The following GREM2 variants were observed in gnomAD, a reference collection of about 807,000 sequenced individuals.
The protein encoded by GREM2 is gremlin 2, DAN family BMP antagonist.
GREM2 carries 11 observed loss-of-function variants against 14.2 expected under a neutral mutation model. That is an observed-to-expected ratio of 0.78 (90% confidence interval 0.49 to 1.28). The LOEUF (loss-of-function observed/expected upper bound fraction) is 1.28, where lower values mean the gene tolerates loss of function less well. GREM2 is among the 50% of genes most tolerant of loss of function. The pLI is 0.00. For synonymous variants in GREM2, 98 were observed against 97.6 expected, an observed-to-expected ratio of 1.00 and a Z score of -0.02; for missense variants, 210 against 218.5, an observed-to-expected ratio of 0.96 and a Z score of 0.24.
chr1:240,575,269 A>G (rs1345141531), intron 1 of GREM2, among the ~76,000 whole-genome samples: 1 of 152,000 alleles, frequency 6.6e-6, no homozygotes, highest in Non-Finnish European at 1.5e-5. Context: ...TCTCAGGGTA[A>G]ATGTTGGTTC....
At chr1:240,534,876 C>T (rs1678443327) in intron 1 of GREM2, among the ~76,000 whole-genome samples, 1 of 151,992 alleles carries the variant, frequency 6.6e-6, no homozygotes. Context: ...GAAGCTAGAA[C>T]CTTTGGGTTT....
intron 1 of GREM2, among the ~76,000 whole-genome samples, chr1:240,598,086 A>G (rs980437774): frequency 5.9e-5 from 9 of 152,200 alleles, no homozygotes; most frequent in Admixed American, 3.9e-4. Context: ...CCGAACCTCA[A>G]TTGGCCAACG....
chr1:240,562,315 C>G (rs957780997), intron 1 of GREM2, among the ~76,000 whole-genome samples: 3 of 152,148 alleles, frequency 2.0e-5, no homozygotes, highest in African/African-American at 7.2e-5. Context: ...AATCTACAGT[C>G]GTGGCACTGG....
intron 1 of GREM2, among the ~76,000 whole-genome samples, chr1:240,565,690 C>CA (rs765667614): frequency 6.6e-6 from 1 of 151,598 alleles, no homozygotes; most frequent in Non-Finnish European, 1.5e-5. Context: ...CCAAAAAATA[C>CA]AAAAAATTAG....
At chr1:240,499,809 C>T (rs1227999473) in intron 1 of GREM2, among the ~76,000 whole-genome samples, 1 of 148,776 alleles carries the variant, frequency 6.7e-6, no homozygotes, top group Non-Finnish European at 1.5e-5. Flanking sequence ...AACACAGCCA[C>T]AGCCACTCAT....
chr1:240,504,994 G>T (rs1231652970), intron 1 of GREM2, among the ~76,000 whole-genome samples: 2 of 152,142 alleles, frequency 1.3e-5, no homozygotes, highest in Non-Finnish European at 2.9e-5. Flanking sequence ...TGGAGGTGGG[G>T]CCTGGTGGAA....
intron 1 of GREM2, among the ~76,000 whole-genome samples, chr1:240,562,449 G>A (rs1386968875): frequency 1.3e-5 from 2 of 152,130 alleles, no homozygotes; most frequent in Admixed American, 1.3e-4. Flanking sequence ...TGCTCTCAGC[G>A]GTTACGATTC....
intron 1 of GREM2, among the ~76,000 whole-genome samples, chr1:240,497,376 G>C (rs928723951): frequency 5.3e-5 from 8 of 152,188 alleles, no homozygotes; most frequent in African/African-American, 1.9e-4. Flanking sequence ...TGTTGGGGTG[G>C]GGTTTCAGAT....
chr1:240,489,626 A>G lies in GREM2; in HGVS notation c.*3343T>C, dbSNP rs1677202881. The G allele has an allele frequency of 6.6e-6, 1 of 152,242 alleles. No homozygotes were observed. 9.4% of individuals were successfully genotyped at this position (152,242 alleles called of 1,614,324 possible). A position where few individuals can be genotyped will look rare whatever the true frequency, so the allele number is the denominator to read the frequency against. On this transcript the variant is annotated 3_prime_UTR_variant, in exon 2 of 2. Coordinates refer to ENST00000318160, the MANE Select transcript of GREM2 (RefSeq NM_022469.4). ...TTCTTTATTCCTTTACTTTCTTAAT[A>G]AACTTGCTTTCACTTAAAAAATTTT...
intron 1 of GREM2, among the ~76,000 whole-genome samples, chr1:240,548,447 C>A (rs1678780768): frequency 1.3e-5 from 2 of 152,088 alleles, no homozygotes; most frequent in Non-Finnish European, 2.9e-5. Context: ...GCACATAGTC[C>A]TCTTATCATA....
Position 240,503,553 on chromosome 1 carries a change from C to T in GREM2, c.-1-10077G>A, listed in dbSNP as rs567880046. ...AAAGTCTTTGGCACAATGCATAGGCCTTCTGCAATCTTTGTCTTCTTCCTG... is the reference window on the plus strand; with the variant it reads ...AAAGTCTTTGGCACAATGCATAGGCTTTCTGCAATCTTTGTCTTCTTCCTG... On this transcript the variant is annotated intron_variant, in intron 1 of 1. Coordinates refer to ENST00000318160, the MANE Select transcript of GREM2 (RefSeq NM_022469.4). Among the ~76,000 whole-genome samples the T allele has an allele frequency of 5.0e-4, 76 of 152,300 alleles. 1 individual carries two copies. The South Asian group carries it at 0.013, about 26-fold the overall frequency.
At chr1:240,552,549 C>A (rs138398485) in intron 1 of GREM2, among the ~76,000 whole-genome samples, 34 of 152,278 alleles carry the variant, frequency 2.2e-4, no homozygotes, top group African/African-American at 7.9e-4. Flanking sequence ...GAGCTGTGAT[C>A]GGGCCACTGC....
intron 1 of GREM2, among the ~76,000 whole-genome samples, chr1:240,495,992 A>G (rs540485916): frequency 6.6e-6 from 1 of 151,646 alleles, no homozygotes; most frequent in Non-Finnish European, 1.5e-5. Flanking sequence ...GCTGGAATGC[A>G]GTGGCACGAT....
chr1:240,611,856 G>T (rs1680144265), intron 1 of GREM2, 28 bp downstream of exon 1: 1 of 152,706 alleles, frequency 6.5e-6, no homozygotes, highest in Non-Finnish European at 1.5e-5. Context: ...CCGTGTCTGT[G>T]TCACGTTAGT....
intron 1 of GREM2, among the ~76,000 whole-genome samples, chr1:240,598,269 G>C (rs2102868835): frequency 6.6e-6 from 1 of 152,318 alleles, no homozygotes; most frequent in South Asian, 2.1e-4. Flanking sequence ...TTGTTCTGGT[G>C]TGTGGTGAGT....
intron 1 of GREM2, among the ~76,000 whole-genome samples, chr1:240,554,914 C>G (rs952312120): frequency 6.6e-6 from 1 of 152,002 alleles, no homozygotes; most frequent in African/African-American, 2.4e-5. Context: ...GAGGTTGAGG[C>G]GGGAGGATCA....
chr1:240,565,281 A>G (rs528708078), intron 1 of GREM2, among the ~76,000 whole-genome samples: 1 of 152,312 alleles, frequency 6.6e-6, no homozygotes, highest in African/African-American at 2.4e-5. Context: ...CTATAATGTC[A>G]TATCTTCACT....
In GREM2 at chr1:240,527,612, GAAAAGGA is replaced by G. The variant is rs1272927792; in HGVS notation, c.-1-34143_-1-34137del. On this transcript the variant is annotated intron_variant, in intron 1 of 1. Coordinates refer to ENST00000318160, the MANE Select transcript of GREM2 (RefSeq NM_022469.4). ...ACAAGGGAGGTACGTAGGTGAGACA[GAAAAGGA>G]AGAAGGAAGAAAGAATTTAGCTGAA... 3.9e-5 allele frequency among the ~76,000 whole-genome samples: 6 copies of G among 152,300 alleles called. No individual in the cohort carries two copies. In the South Asian group the frequency reaches 6.2e-4, roughly 16 times the overall value.
intron 1 of GREM2, among the ~76,000 whole-genome samples, chr1:240,583,844 T>G (rs1679538397): frequency 6.6e-6 from 1 of 152,024 alleles, no homozygotes; most frequent in Non-Finnish European, 1.5e-5. Context: ...CCTCGTGATC[T>G]GCCCACCTCG....
Sources: allele counts gnomAD v4.1 joint callset (sites outside exome capture counted in the v4.1 genomes callset), GRCh38; gene constraint gnomAD v4.1.1; transcripts MANE v1.5; gene names NCBI Gene and HGNC (gene_info 2026-07-23, HGNC 2026-07-21).